Variants in ARHGAP39 observed in about 807,000 individuals in gnomAD.
The protein encoded by ARHGAP39 is Rho GTPase activating protein 39.
In ARHGAP39, 44 loss-of-function variants were observed where a neutral mutation model predicts 106.9. The observed-to-expected ratio is 0.41, with a 90% CI of 0.32 to 0.53. The LOEUF (loss-of-function observed/expected upper bound fraction) is 0.53. Among genes scored for constraint, ARHGAP39 ranks in the 20% least tolerant of loss-of-function variants. ARHGAP39 has a pLI of 0.21. For synonymous variants in ARHGAP39, 768 were observed against 693.2 expected (o/e 1.11, Z -1.69); for missense variants, 1,496 against 1,577.3 (o/e 0.95, Z 0.87).
At chr8:144,610,402 G>T (rs775941600) in intron 1 of ARHGAP39, among the ~76,000 whole-genome samples, 3 of 152,028 alleles carry the variant, frequency 2.0e-5, no homozygotes, top group Non-Finnish European at 4.4e-5. Context: ...AGAGTTCAGT[G>T]ATTTGTACAT....
chr8:144,623,238 G>C (rs1247067407), intron 1 of ARHGAP39, among the ~76,000 whole-genome samples: 4 of 152,002 alleles, frequency 2.6e-5, no homozygotes, highest in Non-Finnish European at 4.4e-5. Context: ...AGAAGAAAAA[G>C]AAACAAAAAT....
intron 2 of ARHGAP39, among the ~76,000 whole-genome samples, chr8:144,601,241 T>TGTGC (rs1819913340): frequency 6.9e-6 from 1 of 145,334 alleles, no homozygotes; most frequent in African/African-American, 2.6e-5. Flanking sequence ...TGTACCTGTG[T>TGTGC]GCATGGAGGC....
chr8:144,669,746 T>C (rs981364029), intron 1 of ARHGAP39, among the ~76,000 whole-genome samples: 4 of 151,982 alleles, frequency 2.6e-5, no homozygotes, highest in African/African-American at 9.7e-5. Context: ...GATGGACAAA[T>C]GGTCAACAAA....
intron 1 of ARHGAP39, among the ~76,000 whole-genome samples, chr8:144,629,011 G>C (rs1029258114): frequency 2.0e-5 from 3 of 152,152 alleles, no homozygotes; most frequent in African/African-American, 7.2e-5. Flanking sequence ...CACCTGCCAC[G>C]CGCTTCCCAT....
rs547984821 is a variant in ARHGAP39, at chr8:144,543,009, T to TGGAGTGCA, written c.2521+2232_2521+2239dup. ...GGGGGTCTTGCTCTGTTGCCCAGGCTGGAGTGCAGGAGTGCAGTGGTACGA... is the reference window on the plus strand; with the variant it reads ...GGGGGTCTTGCTCTGTTGCCCAGGCTGGAGTGCAGGAGTGCAGGAGTGCAGTGGTACGA... On this transcript the variant is annotated intron_variant, in intron 6 of 11. Coordinates refer to ENST00000377307, the MANE Select transcript of ARHGAP39 (RefSeq NM_025251.3). Among the ~76,000 whole-genome samples the TGGAGTGCA allele has an allele frequency of 2.1e-3, 317 of 151,662 alleles. 1 individual carries two copies. Among genetic ancestry groups the TGGAGTGCA allele is most frequent in the African/African-American group, 7.4e-3 (308 of 41,400 alleles).
chr8:144,550,021 C>T (rs1409029635), intron 4 of ARHGAP39, among the ~76,000 whole-genome samples: 1 of 152,104 alleles, frequency 6.6e-6, no homozygotes, highest in Non-Finnish European at 1.5e-5. Context: ...GTCTGTAATC[C>T]AAAGACATTG....
At chr8:144,606,667 G>A (rs563888073) in intron 1 of ARHGAP39, among the ~76,000 whole-genome samples, 1 of 152,254 alleles carries the variant, frequency 6.6e-6, no homozygotes, top group South Asian at 2.1e-4. Context: ...GGAGGAGGAG[G>A]AAAGTAAGAC....
At chr8:144,676,855 G>A (rs1389868983) in intron 1 of ARHGAP39, among the ~76,000 whole-genome samples, 1 of 152,374 alleles carries the variant, frequency 6.6e-6, no homozygotes, top group Admixed American at 6.5e-5. Context: ...CTCCAGCGTG[G>A]CCAGAGCGGA....
chr8:144,533,767 G>A (rs1488789314), intron 8 of ARHGAP39, among the ~76,000 whole-genome samples: 1 of 152,244 alleles, frequency 6.6e-6, no homozygotes, highest in Non-Finnish European at 1.5e-5. Context: ...AGGGCTGAGA[G>A]CGCTGGGGAG....
intron 2 of ARHGAP39, among the ~76,000 whole-genome samples, chr8:144,599,569 G>A (rs1437771820): frequency 6.6e-6 from 1 of 152,208 alleles, no homozygotes; most frequent in Non-Finnish European, 1.5e-5. Context: ...AGGCCTGGCT[G>A]AATGTGCCTG....
intron 7 of ARHGAP39, among the ~76,000 whole-genome samples, chr8:144,537,349 C>T (rs1414125689): frequency 1.3e-5 from 2 of 151,872 alleles, no homozygotes; most frequent in Non-Finnish European, 2.9e-5. Context: ...CTGAGGGGTG[C>T]TTGTCTGCAG....
chr8:144,593,305 G>A (rs142375280), intron 2 of ARHGAP39, among the ~76,000 whole-genome samples: 113 of 152,278 alleles, frequency 7.4e-4, no homozygotes, highest in Middle Eastern at 3.4e-3. Context: ...CCCTGGAGAC[G>A]TAGACAAGGG....
chr8:144,671,732 G>C lies in ARHGAP39; in HGVS notation c.-82+13954C>G, dbSNP rs533053020. ...CCAGCCACCCTAGGGTTCTCCCTAC[G>C]ACCCCAGGCACACGGCCACCTCTGC... On this transcript the variant is annotated intron_variant, in intron 1 of 11. Coordinates refer to ENST00000377307, the MANE Select transcript of ARHGAP39 (RefSeq NM_025251.3). The surrounding 1 kb of genome is among the most constrained non-coding windows in gnomAD (Gnocchi z 4.5). Among the ~76,000 whole-genome samples the C allele has an allele frequency of 1.6e-4, 25 of 152,222 alleles. No homozygotes were observed. The highest frequency in any genetic ancestry group is 3.2e-4 in the Non-Finnish European group (22 of 68,016).
At chr8:144,638,112 G>A (rs991254360) in intron 1 of ARHGAP39, among the ~76,000 whole-genome samples, 1 of 152,082 alleles carries the variant, frequency 6.6e-6, no homozygotes, top group Non-Finnish European at 1.5e-5. Context: ...TTTCACCTTT[G>A]ATGTTAAAAG....
At chr8:144,532,274 C>G (rs749635962) in intron 10 of ARHGAP39, 31 bp downstream of exon 10, 9 of 1,606,634 alleles carry the variant, frequency 5.6e-6, no homozygotes, top group Admixed American at 1.7e-5. Flanking sequence ...GAGCCAGGCC[C>G]GCTCTGCTGC....
rs549933577 is a variant in ARHGAP39 at position 144,682,051 on chromosome 8, G to A, written c.-82+3635C>T. Among the ~76,000 whole-genome samples, 103 of 152,000 alleles carry A rather than the reference G, an allele frequency of 6.8e-4. 5 individuals carry two copies. The South Asian group carries it at 0.019, about 28-fold the overall frequency. ...TGGGAGGCCGAGGCGGGCAGATCAC[G>A]AGGTCAGGAGATCGAGACCATCCTG... On this transcript the variant is annotated intron_variant, in intron 1 of 11. Coordinates refer to ENST00000377307, the MANE Select transcript of ARHGAP39 (RefSeq NM_025251.3).
chr8:144,565,109 CA>C (rs966122978), intron 3 of ARHGAP39, among the ~76,000 whole-genome samples: 76 of 147,588 alleles, frequency 5.1e-4, no homozygotes, highest in African/African-American at 1.7e-3. Context: ...AATTCCATCT[CA>C]AAAAAAAAAT....
At chr8:144,610,278 GT>G (rs1393046581) in intron 1 of ARHGAP39, among the ~76,000 whole-genome samples, 4 of 151,646 alleles carry the variant, frequency 2.6e-5, no homozygotes, top group African/African-American at 7.3e-5. Flanking sequence ...CAGCTTAATC[GT>G]TTTTTTTCTA....
At chr8:144,678,952 G>C (rs111317812) in intron 1 of ARHGAP39, among the ~76,000 whole-genome samples, 3 of 152,128 alleles carry the variant, frequency 2.0e-5, no homozygotes, top group African/African-American at 7.2e-5. Flanking sequence ...CTCAGGCAGG[G>C]GTTCTGATCA....
Sources: gnomAD v4.1 joint callset for allele counts (sites outside exome capture counted in the v4.1 genomes callset) on GRCh38, gnomAD v4.1.1 for gene constraint, Gnocchi (gnomAD v3.1) non-coding constraint, MANE v1.5 for transcripts, NCBI Gene and HGNC (gene_info 2026-07-23, HGNC 2026-07-21) for gene names.